GBF1: variants seen among roughly 807,000 people sequenced by gnomAD.
GBF1 encodes golgi brefeldin A resistant guanine nucleotide exchange factor 1.
Under a neutral mutation model 210.5 loss-of-function variants are expected in GBF1, and 114 were observed. The observed-to-expected ratio is 0.54, with a 90% confidence interval of 0.47 to 0.63. The LOEUF (loss-of-function observed/expected upper bound fraction) is 0.63. Ranked by LOEUF, GBF1 falls within the 30% of genes least tolerant of loss-of-function variation. The pLI is 0.00. For synonymous variants in GBF1, 850 were observed against 889.2 expected, an observed-to-expected ratio of 0.96 and a Z score of 0.78; for missense variants, 1,851 against 2,357.7, an observed-to-expected ratio of 0.79 and a Z score of 4.45.
chr10:102,309,516 TC>T (rs1435200153), intron 3 of GBF1, among the ~76,000 whole-genome samples: 2 of 152,258 alleles, frequency 1.3e-5, no homozygotes, highest in Non-Finnish European at 2.9e-5. Context: ...TGAAGCTTGT[TC>T]TTTTTCTTTA....
At chr10:102,355,195 C>T (rs944234341) in intron 8 of GBF1, among the ~76,000 whole-genome samples, 15 of 152,162 alleles carry the variant, frequency 9.9e-5, no homozygotes, top group Non-Finnish European at 2.1e-4. Flanking sequence ...AGTGTGCATG[C>T]TGAAGGTGTG....
intron 4 of GBF1, among the ~76,000 whole-genome samples, chr10:102,349,952 C>T (rs2058831132): frequency 6.6e-6 from 1 of 152,160 alleles, no homozygotes; most frequent in East Asian, 1.9e-4. Context: ...GCTAGTCAGC[C>T]TCCAGTCCTG....
chr10:102,256,660 C>T (rs1427595236), intron 1 of GBF1, among the ~76,000 whole-genome samples: 2 of 151,892 alleles, frequency 1.3e-5, no homozygotes, highest in East Asian at 3.9e-4. Context: ...GCTGGGATTA[C>T]AGGCGCCCTC....
chr10:102,255,100 G>A (rs2072152641), intron 1 of GBF1, among the ~76,000 whole-genome samples: 2 of 152,072 alleles, frequency 1.3e-5, no homozygotes, highest in Admixed American at 6.6e-5. Context: ...GAATGCAGTG[G>A]CGCGATCTCG....
the GBF1 span, among the ~76,000 whole-genome samples, chr10:102,235,614 C>A: frequency 2.8e-3 from 423 of 152,202 alleles, 5 homozygotes; most frequent in Non-Finnish European, 2.9e-3. Flanking sequence ...TAAAACTCTA[C>A]CTGAGTAGTT....
chr10:102,270,382 T>TTG (rs2074287100), intron 3 of GBF1, among the ~76,000 whole-genome samples: 1 of 152,062 alleles, frequency 6.6e-6, no homozygotes, highest in Non-Finnish European at 1.5e-5. Context: ...GTTGGCCAGG[T>TTG]TGGTCTCGAA....
chr10:102,287,344 CTTTTTTTTTTTTT>C (rs763880492), intron 3 of GBF1, among the ~76,000 whole-genome samples: 9 of 69,522 alleles, frequency 1.3e-4, no homozygotes, highest in South Asian at 6.6e-4. Context: ...ATTTTATTTT[CTTTTTTTTTTTTT>C]TTTTTTTTTT....
At chr10:102,369,423 G>C in intron 24 of GBF1, 36 bp downstream of exon 24, 1 of 1,501,412 alleles carries the variant, frequency 6.7e-7, no homozygotes, top group Non-Finnish European at 9.3e-7. Flanking sequence ...GCGATAACAA[G>C]GCAAGAGCTG....
At chr10:102,300,250 G>T (rs1449496369) in intron 3 of GBF1, among the ~76,000 whole-genome samples, 4 of 152,196 alleles carry the variant, frequency 2.6e-5, no homozygotes, top group African/African-American at 9.6e-5. Context: ...GAGCAAACTG[G>T]TCAAAGAAGG....
At chr10:102,277,681 T>A (rs1021038902) in intron 3 of GBF1, among the ~76,000 whole-genome samples, 20 of 152,218 alleles carry the variant, frequency 1.3e-4, no homozygotes, top group Non-Finnish European at 2.8e-4. Context: ...ACCCAGCCTA[T>A]CATGATCTTT....
chr10:102,323,347 C>A (rs1358254370), intron 3 of GBF1, among the ~76,000 whole-genome samples: 1 of 151,370 alleles, frequency 6.6e-6, no homozygotes, highest in Non-Finnish European at 1.5e-5. Context: ...TATGTCAAAG[C>A]AGTCACAGAC....
intron 3 of GBF1, among the ~76,000 whole-genome samples, chr10:102,296,547 A>G (rs1307020666): frequency 2.0e-5 from 3 of 152,042 alleles, no homozygotes; most frequent in African/African-American, 4.8e-5. Context: ...GTTCAAGACC[A>G]GCCTGGCCAA....
At chr10:102,361,639 T>C in intron 13 of GBF1, 79 bp from the exon 14 acceptor site, 2 of 953,654 alleles carry the variant, frequency 2.1e-6, no homozygotes, top group Non-Finnish European at 3.2e-6. Flanking sequence ...TCCTGTTTAA[T>C]GTTTTTCCTG....
chr10:102,288,782 T>C (rs1159526894), intron 3 of GBF1, among the ~76,000 whole-genome samples: 1 of 145,382 alleles, frequency 6.9e-6, no homozygotes, highest in African/African-American at 2.5e-5. Context: ...ATTCATCTGG[T>C]CCTTTGTATA....
At chr10:102,330,256 T>G (rs2057235199) in intron 3 of GBF1, among the ~76,000 whole-genome samples, 1 of 152,234 alleles carries the variant, frequency 6.6e-6, no homozygotes, top group Admixed American at 6.5e-5. Flanking sequence ...TTCCACTTGC[T>G]GTGTGACCTT....
intron 3 of GBF1, among the ~76,000 whole-genome samples, chr10:102,336,416 A>G (rs982302842): frequency 4.6e-5 from 7 of 151,962 alleles, no homozygotes; most frequent in African/African-American, 1.7e-4. Context: ...AGTTATCTTT[A>G]TTATACACTT....
In GBF1 at chr10:102,367,596, TAAG is replaced by T. The variant is rs558592386; in HGVS notation, c.2642+43_2642+45del. 6.7e-5 allele frequency: 77 copies of T among 1,157,706 alleles called. No homozygotes were observed. The South Asian group carries it at 9.3e-4, about 14-fold the overall frequency. The allele number at this position is 1,157,706 out of a possible 1,614,324, so 71.7% of individuals were successfully genotyped here. A position where few individuals can be genotyped will look rare whatever the true frequency, so the allele number is the denominator to read the frequency against. On this transcript the variant is annotated intron_variant, in intron 21 of 39. Transcript: ENST00000369983. ...ATAGAGAATAGTGCAGTATCTCTGT[TAAG>T]AAGAAGCACATTGCTTCCTTTCCCA...
At chr10:102,344,011 C>T (rs147768869) in intron 3 of GBF1, 40 bp from the exon 4 acceptor site, 1 of 1,590,696 alleles carries the variant, frequency 6.3e-7, no homozygotes, top group African/African-American at 1.3e-5. Context: ...TTAGTTTTCT[C>T]TTAGATGATA....
chr10:102,269,940 G>A (rs1469999763), intron 3 of GBF1, among the ~76,000 whole-genome samples: 4 of 151,254 alleles, frequency 2.6e-5, no homozygotes, highest in South Asian at 2.1e-4. Flanking sequence ...GTGCAGTGGC[G>A]CGATCTCAGC....
Sources: allele counts gnomAD v4.1 joint callset (sites outside exome capture counted in the v4.1 genomes callset), GRCh38; gene constraint gnomAD v4.1.1; transcripts MANE v1.5; gene names NCBI Gene and HGNC (gene_info 2026-07-23, HGNC 2026-07-21).